The following ZFHX3 variants were observed in gnomAD, a reference collection of about 807,000 sequenced individuals.
ZFHX3 encodes the protein zinc finger homeobox protein 3.
A neutral mutation model predicts 279.1 loss-of-function variants in ZFHX3; 42 were observed. That is an observed-to-expected ratio of 0.15 (90% CI 0.12 to 0.19). ZFHX3 has a LOEUF of 0.19. ZFHX3 is among the 10% of genes least tolerant of loss of function. The pLI, the probability that ZFHX3 is intolerant of heterozygous loss-of-function variation, is 1.00. For missense variants in ZFHX3, 4,981 were observed against 4,754.0 expected (o/e 1.05, Z -1.40); for synonymous variants, 2,293 against 1,957.8 (o/e 1.17, Z -4.52).
At position 73,657,608 on chromosome 16, in the gene ZFHX3, C is replaced by T. The variant is rs1198013054; in HGVS notation, c.-1547+22572G>A. 3.3e-5 allele frequency among the ~76,000 whole-genome samples: 5 copies of T among 152,082 alleles called. No individual in the cohort carries two copies. The East Asian group carries it at 9.7e-4, about 29-fold the overall frequency. ...AATCACCCTCTCAAACCCCCATCTC[C>T]TTTCTCCCCCAGTCCTAGTCAAGCA... On this transcript the variant is annotated intron_variant, in intron 2 of 17. Coordinates refer to the ZFHX3 transcript ENST00000641206.
chr16:73,441,798 T>C (rs929977379), intron 3 of ZFHX3, among the ~76,000 whole-genome samples: 1 of 152,184 alleles, frequency 6.6e-6, no homozygotes. Flanking sequence ...CTCAGTGTCT[T>C]GGAAAACCAT....
chr16:73,743,554 CA>C (rs2053677664), intron 1 of ZFHX3, among the ~76,000 whole-genome samples: 1 of 152,086 alleles, frequency 6.6e-6, no homozygotes, highest in Non-Finnish European at 1.5e-5. Context: ...GTCCTCTAGA[CA>C]ATGCTGACAA....
chr16:73,592,564 G>T (rs746122083), intron 2 of ZFHX3, among the ~76,000 whole-genome samples: 2 of 152,114 alleles, frequency 1.3e-5, no homozygotes, highest in Non-Finnish European at 2.9e-5. Context: ...CAAATGGCAT[G>T]CTGGCTGGCC....
chr16:73,767,779 C>T (rs868588344), intron 1 of ZFHX3, among the ~76,000 whole-genome samples: 31 of 152,220 alleles, frequency 2.0e-4, no homozygotes, highest in Admixed American at 7.2e-4. Context: ...GGAGACTTAA[C>T]CTCTGTGAGA....
At chr16:73,088,226 G>T (rs1966032031) in intron 8 of ZFHX3, among the ~76,000 whole-genome samples, 1 of 151,936 alleles carries the variant, frequency 6.6e-6, no homozygotes, top group Non-Finnish European at 1.5e-5. Flanking sequence ...GCTCACTGCG[G>T]CCTCAAACTC....
intron 8 of ZFHX3, among the ~76,000 whole-genome samples, chr16:73,089,258 C>T (rs1049530139): frequency 3.9e-5 from 6 of 152,182 alleles, no homozygotes; most frequent in East Asian, 1.9e-4. Context: ...TACCTGCCAC[C>T]ACCCCCAGCT....
intron 1 of ZFHX3, among the ~76,000 whole-genome samples, chr16:73,881,425 G>C (rs1427886088): frequency 7.8e-6 from 1 of 128,734 alleles, no homozygotes; most frequent in African/African-American, 2.8e-5. Context: ...TGCTGGTAAT[G>C]ATCACACTCA....
chr16:73,211,322 G>A (rs2012009848), intron 5 of ZFHX3, among the ~76,000 whole-genome samples: 1 of 152,080 alleles, frequency 6.6e-6, no homozygotes, highest in East Asian at 1.9e-4. Context: ...CTTCTTTCTG[G>A]ACTTTTCTTG....
intron 1 of ZFHX3, among the ~76,000 whole-genome samples, chr16:73,009,585 A>G (rs927268239): frequency 6.6e-6 from 1 of 152,246 alleles, no homozygotes; most frequent in African/African-American, 2.4e-5. Context: ...GTTTTATGCA[A>G]AGATAAGGTG....
chr16:73,545,412 G>A (rs1280917258), intron 2 of ZFHX3, among the ~76,000 whole-genome samples: 5 of 152,080 alleles, frequency 3.3e-5, no homozygotes, highest in African/African-American at 9.7e-5. Flanking sequence ...GCGCTGGGCC[G>A]CCTCCTGGCT....
chr16:73,464,075 T>C (rs530365466), intron 2 of ZFHX3, among the ~76,000 whole-genome samples: 26 of 152,314 alleles, frequency 1.7e-4, no homozygotes, highest in African/African-American at 6.3e-4. Context: ...TGTATTTCTG[T>C]ATTTTTTTTC....
At chr16:73,590,430 G>T (rs1052042022) in intron 2 of ZFHX3, among the ~76,000 whole-genome samples, 15 of 152,148 alleles carry the variant, frequency 9.9e-5, no homozygotes, top group African/African-American at 1.2e-4. Flanking sequence ...GATGACAAAG[G>T]CTACATCAAA....
intron 1 of ZFHX3, among the ~76,000 whole-genome samples, chr16:73,833,683 C>A (rs1169670487): frequency 1.3e-5 from 2 of 151,750 alleles, no homozygotes; most frequent in Non-Finnish European, 1.5e-5. Flanking sequence ...CAGCAAACCA[C>A]CATGGCACGT....
At chr16:73,333,053 T>C (rs974113238) in intron 3 of ZFHX3, among the ~76,000 whole-genome samples, 1 of 152,140 alleles carries the variant, frequency 6.6e-6, no homozygotes, top group African/African-American at 2.4e-5. Context: ...ATTTACTTAC[T>C]ACACAGTTTT....
chr16:72,891,123 C>G (rs1348903798), intron 3 of ZFHX3, among the ~76,000 whole-genome samples: 2 of 152,188 alleles, frequency 1.3e-5, no homozygotes, highest in Non-Finnish European at 2.9e-5. Flanking sequence ...TTAAAAAATG[C>G]CAGAAAAATA....
Position 73,252,825 on chromosome 16 carries a change from T to C in ZFHX3, c.-1104+4222A>G, listed in dbSNP as rs140182760. Among the ~76,000 whole-genome samples, 14 of 152,152 alleles carry C rather than the reference T, an allele frequency of 9.2e-5. 1 individual carries two copies. In the East Asian group the frequency reaches 2.7e-3, roughly 29 times the overall value. ...TCATAGACCAACGGGCAGACTCCAG[T>C]GGAGCAGAGAGAAAGAAAATGCATG... is the stretch of plus-strand genomic sequence containing the variant. On this transcript the variant is annotated intron_variant, in intron 5 of 17. Transcript: ENST00000641206.
rs754322025 is a variant in ZFHX3 at position 72,787,873 on chromosome 16, C to G, written c.10403G>C (p.Arg3468Pro). 62 of 1,613,830 alleles carry G rather than the reference C, an allele frequency of 3.8e-5. No individual in the cohort carries two copies. Among genetic ancestry groups the G allele is most frequent in the Non-Finnish European group, 2.7e-5 (32 of 1,179,996 alleles). Residue 3468 changes from arginine to proline, a missense_variant, in exon 10 of 10, where the codon CGC becomes CCC. Coordinates refer to ENST00000268489, the MANE Select transcript of ZFHX3 (RefSeq NM_006885.4). ...VPKVQYKLVC[R>P]KCQAGFSDEE... ...GTCGCTGAAGCCCGCCTGGCACTTG[C>G]GGCAGACCAACTTGTACTGCACCTT...
rs542156633 is a variant in ZFHX3, at chr16:72,849,860, C to CAAAAAAA, written c.3449-20008_3449-20002dup. ...TCTCTGCCACTTGGAGTTCACCTACCAAAAAAAAAAAAAAAAAAAAAAAAA... is the reference window on the plus strand; with the variant it reads ...TCTCTGCCACTTGGAGTTCACCTACCAAAAAAAAAAAAAAAAAAAAAAAAAAAAAAAA... On this transcript the variant is annotated intron_variant, in intron 4 of 9. Coordinates refer to ENST00000268489, the MANE Select transcript of ZFHX3 (RefSeq NM_006885.4). Among the ~76,000 whole-genome samples, 27 of 56,564 alleles carry CAAAAAAA rather than the reference C, an allele frequency of 4.8e-4. 4 individuals are homozygous for CAAAAAAA. Among genetic ancestry groups the CAAAAAAA allele is most frequent in the African/African-American group, 9.5e-4 (12 of 12,588 alleles). The allele number at this position is 56,564 out of a possible 152,430, so 37.1% of individuals were successfully genotyped here.
At chr16:72,942,079 T>C (rs967963093) in intron 3 of ZFHX3, among the ~76,000 whole-genome samples, 1 of 152,214 alleles carries the variant, frequency 6.6e-6, no homozygotes, top group African/African-American at 2.4e-5. Flanking sequence ...TTCCTGACAA[T>C]GCCTAATTGT....
Sources: allele counts gnomAD v4.1 joint callset (sites outside exome capture counted in the v4.1 genomes callset), GRCh38; gene constraint gnomAD v4.1.1; transcripts MANE v1.5; gene names NCBI Gene and HGNC (gene_info 2026-07-23, HGNC 2026-07-21).